The following MSRA variants were observed in gnomAD, a reference collection of about 807,000 sequenced individuals.
MSRA encodes the protein methionine sulfoxide reductase A, also known as mitochondrial peptide methionine sulfoxide reductase.
MSRA carries 54 observed loss-of-function variants against 31.3 expected under a neutral mutation model. The ratio of observed to expected loss-of-function variants is 1.73; its 90% CI spans 1.39 to 2.17. The LOEUF (loss-of-function observed/expected upper bound fraction) is 2.17. Ranked by LOEUF, MSRA falls within the 30% of genes most tolerant of loss-of-function variation. The pLI, the probability that MSRA is intolerant of heterozygous loss-of-function variation, is 0.00. For synonymous variants in MSRA, 169 were observed against 116.5 expected, an observed-to-expected ratio of 1.45 and a Z score of -2.90; for missense variants, 507 against 300.9, an observed-to-expected ratio of 1.69 and a Z score of -5.07.
Position 10,054,623 on chromosome 8 carries a change from C to T in MSRA, c.107C>T (p.Ala36Val), listed in dbSNP as rs1402620293. Residue 36 changes from alanine (A) to valine (V), a missense_variant, in exon 1 of 6, where the codon GCC becomes GTC. Ala to Val is a moderately conservative substitution (Grantham distance 64). Transcript: ENST00000317173. ...TCGAACATCGTCAGCCCCCAGGAGG[C>T]CTTGCCGGGCCGGAAGGAACAGACC... ...SASNIVSPQE[A>V]LPGRKEQTPV... The T allele has an allele frequency of 1.3e-6, 2 of 1,577,024 alleles. No homozygotes were observed. The highest frequency in any genetic ancestry group is 2.5e-5 in the East Asian group (1 of 39,760).
At position 10,402,353 on chromosome 8, in the gene MSRA, C is replaced by A. The variant is rs532986018; in HGVS notation, c.544-25795C>A. On this transcript the variant is annotated intron_variant, in intron 5 of 5. Coordinates refer to ENST00000317173, the MANE Select transcript of MSRA (RefSeq NM_012331.5). ...GCAGGGGACAGAGAACCGTGACAGG[C>A]CTCTGATGCTGAACGCCAAATGTGG... Among the ~76,000 whole-genome samples the A allele has an allele frequency of 3.3e-5, 5 of 152,372 alleles. No homozygotes were observed. The South Asian group carries it at 1.0e-3, about 32-fold the overall frequency.
At chr8:10,327,914 C>T (rs1019701205) in intron 5 of MSRA, among the ~76,000 whole-genome samples, 3 of 151,864 alleles carry the variant, frequency 2.0e-5, no homozygotes, top group Non-Finnish European at 2.9e-5. Context: ...GCCTGGGCTC[C>T]GTCTCAACAA....
At chr8:10,120,399 G>T (rs566700710) in intron 1 of MSRA, among the ~76,000 whole-genome samples, 2 of 152,276 alleles carry the variant, frequency 1.3e-5, no homozygotes, top group East Asian at 1.9e-4. Context: ...GCCCATCCGT[G>T]TCTGGTTTCT....
chr8:10,105,041 G>A (rs1799791139), intron 1 of MSRA, among the ~76,000 whole-genome samples: 1 of 152,180 alleles, frequency 6.6e-6, no homozygotes. Flanking sequence ...TAGTGAGATT[G>A]AACATCTTTT....
At chr8:10,334,110 C>T (rs4841319) in intron 5 of MSRA, among the ~76,000 whole-genome samples, 37,091 of 151,300 alleles carry the variant, frequency 0.25, 5,560 homozygotes, top group East Asian at 0.48. Context: ...GCGCCTACTG[C>T]CTGCTTTCCT....
In MSRA at chr8:10,063,527, C is replaced by T. The variant is rs139687123; in HGVS notation, c.142+8869C>T. 6.3e-3 allele frequency among the ~76,000 whole-genome samples: 954 copies of T among 152,234 alleles called. 5 individuals are homozygous for T. The highest frequency in any genetic ancestry group is 0.01 in the Middle Eastern group (3 of 294). ...TTGCTATGGTCTGAATGCCTATGTGCCCCTACTGAATTCATGTTGAAATCC... is the reference window on the plus strand; with the variant it reads ...TTGCTATGGTCTGAATGCCTATGTGTCCCTACTGAATTCATGTTGAAATCC... On this transcript the variant is annotated intron_variant, in intron 1 of 5. Coordinates refer to ENST00000317173, the MANE Select transcript of MSRA (RefSeq NM_012331.5).
At chr8:10,321,144 A>G (rs1802022847) in intron 5 of MSRA, among the ~76,000 whole-genome samples, 1 of 152,168 alleles carries the variant, frequency 6.6e-6, no homozygotes, top group Admixed American at 6.5e-5. Context: ...AAATCCTCCA[A>G]TAGAGATTTA....
chr8:10,238,197 AC>A (rs1254489319), intron 2 of MSRA, among the ~76,000 whole-genome samples: 2 of 151,566 alleles, frequency 1.3e-5, no homozygotes, highest in African/African-American at 4.9e-5. Flanking sequence ...TGCTTTCTCT[AC>A]CCCTTGCTGG....
chr8:10,288,380 C>G (rs1297851111), intron 3 of MSRA, among the ~76,000 whole-genome samples: 1 of 152,148 alleles, frequency 6.6e-6, no homozygotes, highest in Non-Finnish European at 1.5e-5. Context: ...TGACACCACC[C>G]TTATTGAGAA....
At chr8:10,235,338 G>C (rs939574908) in intron 2 of MSRA, among the ~76,000 whole-genome samples, 1 of 152,076 alleles carries the variant, frequency 6.6e-6, no homozygotes, top group South Asian at 2.1e-4. Flanking sequence ...AAATGAAATG[G>C]AAATTACATC....
At chr8:10,111,009 A>G (rs1182715133) in intron 1 of MSRA, among the ~76,000 whole-genome samples, 4 of 152,176 alleles carry the variant, frequency 2.6e-5, no homozygotes, top group Non-Finnish European at 4.4e-5. Flanking sequence ...TCTGTCTGAC[A>G]AGTGTGGAAC....
chr8:10,201,195 C>T (rs1298393727), intron 1 of MSRA, among the ~76,000 whole-genome samples: 1 of 152,124 alleles, frequency 6.6e-6, no homozygotes, highest in Non-Finnish European at 1.5e-5. Flanking sequence ...CTCCTCTCTG[C>T]TGCTCAGTGT....
chr8:10,130,657 C>T (rs539235352), intron 1 of MSRA, among the ~76,000 whole-genome samples: 1 of 152,224 alleles, frequency 6.6e-6, no homozygotes, highest in African/African-American at 2.4e-5. Context: ...TTTGGAGGGC[C>T]CTTTTGAAAT....
intron 5 of MSRA, among the ~76,000 whole-genome samples, chr8:10,409,587 C>T (rs1292279641): frequency 6.6e-6 from 1 of 152,182 alleles, no homozygotes; most frequent in Non-Finnish European, 1.5e-5. Context: ...CTAGAGAGGA[C>T]GTGATGAGGA....
intron 1 of MSRA, among the ~76,000 whole-genome samples, chr8:10,114,449 A>T (rs1800529257): frequency 1.3e-5 from 2 of 152,198 alleles, no homozygotes; most frequent in Admixed American, 1.3e-4. Flanking sequence ...TTACTTTGCT[A>T]CCAATAAAGT....
intron 5 of MSRA, among the ~76,000 whole-genome samples, chr8:10,405,741 G>A (rs1807766376): frequency 1.3e-5 from 2 of 151,880 alleles, no homozygotes; most frequent in Non-Finnish European, 2.9e-5. Context: ...ACACACGTGT[G>A]TTCACACACA....
At chr8:10,391,516 A>G (rs1399706333) in intron 5 of MSRA, among the ~76,000 whole-genome samples, 2 of 152,240 alleles carry the variant, frequency 1.3e-5, no homozygotes, top group African/African-American at 4.8e-5. Context: ...AATATTGTTC[A>G]TCACTTATGG....
rs551248253 is a variant in MSRA at position 10,358,550 on chromosome 8, C to T, written c.543+38561C>T. On this transcript the variant is annotated intron_variant, in intron 5 of 5. Coordinates refer to ENST00000317173, the MANE Select transcript of MSRA (RefSeq NM_012331.5). ...TCAGCTCCGCCTCCTGTCAGATCAG[C>T]GGCAGCATTAGATTCTTTTTTTTTT... 3.3e-3 allele frequency among the ~76,000 whole-genome samples: 431 copies of T among 131,130 alleles called. 5 individuals are homozygous for T. The highest frequency in any genetic ancestry group is 0.012 in the African/African-American group (398 of 34,338). The allele number at this position is 131,130 out of a possible 152,430, so 86.0% of individuals were successfully genotyped here.
At chr8:10,391,872 G>C (rs557891765) in intron 5 of MSRA, among the ~76,000 whole-genome samples, 1 of 152,210 alleles carries the variant, frequency 6.6e-6, no homozygotes. Flanking sequence ...TCCTAGGGAC[G>C]TTTCTTCATG....
Sources: allele counts gnomAD v4.1 joint callset (sites outside exome capture counted in the v4.1 genomes callset), GRCh38; gene constraint gnomAD v4.1.1; transcripts MANE v1.5; gene names NCBI Gene and HGNC (gene_info 2026-07-23, HGNC 2026-07-21).